ABCC4: variants seen among roughly 807,000 people sequenced by gnomAD.
ABCC4 encodes the protein ATP-binding cassette sub-family C member 4.
Under a neutral mutation model 168.5 loss-of-function variants are expected in ABCC4, and 102 were observed. The observed-to-expected ratio is 0.61, with a 90% CI of 0.52 to 0.71. ABCC4 has a LOEUF of 0.71. Ranked by LOEUF, ABCC4 falls within the 30% of genes least tolerant of loss-of-function variation. The pLI is 0.00. For synonymous variants in ABCC4, 617 were observed against 590.7 expected (o/e 1.04, Z -0.65); for missense variants, 1,402 against 1,605.8 (o/e 0.87, Z 2.17).
Position 95,207,741 on chromosome 13 carries a change from C to G in ABCC4, c.911+59G>C, listed in dbSNP as rs939065486. 4 of 1,551,138 alleles carry G rather than the reference C, an allele frequency of 2.6e-6. No homozygotes were observed. The African/African-American group carries it at 5.5e-5, about 21-fold the overall frequency. ...AACATAGTAAAACTTCTAAAACCAT[C>G]AACAAGAATAGCAAATAGAAAAATA... On this transcript the variant is annotated intron_variant, in intron 7 of 30. Coordinates refer to ENST00000645237, the MANE Select transcript of ABCC4 (RefSeq NM_005845.5).
intron 30 of ABCC4, among the ~76,000 whole-genome samples, chr13:95,030,136 T>G (rs2031801982): frequency 6.6e-6 from 1 of 152,186 alleles, no homozygotes; most frequent in Non-Finnish European, 1.5e-5. Flanking sequence ...TTCTCCAGCC[T>G]CAGCCTCCCG....
intron 19 of ABCC4, among the ~76,000 whole-genome samples, chr13:95,155,587 G>T (rs1165146414): frequency 6.6e-6 from 1 of 151,984 alleles, no homozygotes; most frequent in Non-Finnish European, 1.5e-5. Context: ...ATATGAATCT[G>T]GTTTTTTTGT....
intron 20 of ABCC4, among the ~76,000 whole-genome samples, chr13:95,105,391 G>A (rs1029585221): frequency 1.3e-5 from 2 of 151,954 alleles, no homozygotes. Context: ...GGGGACCACT[G>A]GATTAGTCAA....
At chr13:95,154,960 C>G (rs558855164) in intron 19 of ABCC4, among the ~76,000 whole-genome samples, 1 of 152,114 alleles carries the variant, frequency 6.6e-6, no homozygotes, top group East Asian at 1.9e-4. Context: ...TTTTTTCTGG[C>G]AAGGAAGTGG....
At chr13:95,156,252 T>G (rs2036850656) in intron 19 of ABCC4, among the ~76,000 whole-genome samples, 1 of 152,196 alleles carries the variant, frequency 6.6e-6, no homozygotes, top group Admixed American at 6.5e-5. Flanking sequence ...CGCCACAATA[T>G]TACTTTTTAA....
chr13:95,086,594 G>C (rs2034264239), intron 20 of ABCC4, among the ~76,000 whole-genome samples: 1 of 152,142 alleles, frequency 6.6e-6, no homozygotes, highest in Non-Finnish European at 1.5e-5. Flanking sequence ...AAATTTTTAG[G>C]TATCTATCCA....
chr13:95,267,931 T>C (rs941918990), intron 1 of ABCC4, among the ~76,000 whole-genome samples: 15 of 152,144 alleles, frequency 9.9e-5, no homozygotes, highest in African/African-American at 3.4e-4. Context: ...ATCGTGCCGA[T>C]GTAATGAAGC....
At chr13:95,062,486 T>TCTCACACA (rs1555306573) in intron 26 of ABCC4, among the ~76,000 whole-genome samples, 46 of 144,994 alleles carry the variant, frequency 3.2e-4, no homozygotes, top group African/African-American at 1.2e-3. Context: ...TTATTAAATA[T>TCTCACACA]CACACACACA....
chr13:95,204,347 C>T (rs541858913), intron 8 of ABCC4, among the ~76,000 whole-genome samples: 3 of 152,322 alleles, frequency 2.0e-5, no homozygotes, highest in South Asian at 4.1e-4. Flanking sequence ...CAGTTTGGCT[C>T]TGTGTCCCCA....
intron 30 of ABCC4, among the ~76,000 whole-genome samples, chr13:95,025,242 C>G (rs2031389794): frequency 1.5e-5 from 1 of 64,604 alleles, no homozygotes; most frequent in Non-Finnish European, 3.0e-5. Flanking sequence ...CCCATACACA[C>G]ACACCCACAC....
intron 1 of ABCC4, 54 bp from the exon 2 acceptor site, chr13:95,247,807 T>C (rs2040147294): frequency 5.6e-6 from 8 of 1,425,878 alleles, no homozygotes; most frequent in African/African-American, 4.2e-5. Context: ...CGTGTTTAAG[T>C]AGACTCCTAC....
At chr13:95,227,957 A>C (rs1407057964) in intron 4 of ABCC4, among the ~76,000 whole-genome samples, 2 of 152,140 alleles carry the variant, frequency 1.3e-5, no homozygotes, top group Admixed American at 6.5e-5. Context: ...TGATCCACCC[A>C]CCTTGGCCTC....
intron 11 of ABCC4, among the ~76,000 whole-genome samples, chr13:95,185,026 GA>G (rs2038013840): frequency 1.3e-5 from 2 of 152,170 alleles, no homozygotes; most frequent in African/African-American, 4.8e-5. Flanking sequence ...ACAGTGGGGG[GA>G]CACCAGAGCA....
At chr13:95,022,867 A>C (rs901101678) in intron 30 of ABCC4, among the ~76,000 whole-genome samples, 1 of 152,338 alleles carries the variant, frequency 6.6e-6, no homozygotes, top group Non-Finnish European at 1.5e-5. Flanking sequence ...TTGTTACTCC[A>C]GAAATATCAT....
chr13:95,286,956 C>A (rs1050402013), intron 1 of ABCC4, among the ~76,000 whole-genome samples: 155 of 118,760 alleles, frequency 1.3e-3, no homozygotes, highest in Non-Finnish European at 1.6e-3. Context: ...AACTCTGTCT[C>A]AAAAAAAAAA....
At chr13:95,298,643 G>A (rs1450505029) in intron 1 of ABCC4, among the ~76,000 whole-genome samples, 2 of 152,166 alleles carry the variant, frequency 1.3e-5, no homozygotes, top group African/African-American at 4.8e-5. Context: ...AATTTCCCTT[G>A]AGAAACTCTA....
intron 19 of ABCC4, among the ~76,000 whole-genome samples, chr13:95,141,117 T>C (rs1566458214): frequency 6.6e-6 from 1 of 152,198 alleles, no homozygotes; most frequent in Non-Finnish European, 1.5e-5. Flanking sequence ...CTGAAAGGTT[T>C]CCTTACAGCT....
At chr13:95,106,355 G>GTATA (rs143146478) in intron 20 of ABCC4, among the ~76,000 whole-genome samples, 3 of 150,496 alleles carry the variant, frequency 2.0e-5, no homozygotes, top group African/African-American at 7.4e-5. Flanking sequence ...ATATGTGCGC[G>GTATA]TATATATATA....
chr13:95,132,574 G>A (rs1214530333), intron 19 of ABCC4, among the ~76,000 whole-genome samples: 1 of 152,080 alleles, frequency 6.6e-6, no homozygotes, highest in Non-Finnish European at 1.5e-5. Flanking sequence ...TACAATGTAA[G>A]TGCTATGTAT....
Sources: gnomAD v4.1 joint callset for allele counts (sites outside exome capture counted in the v4.1 genomes callset) on GRCh38, gnomAD v4.1.1 for gene constraint, MANE v1.5 for transcripts, NCBI Gene and HGNC (gene_info 2026-07-23, HGNC 2026-07-21) for gene names.